The following NAALADL2 variants were observed in gnomAD, a reference collection of about 807,000 sequenced individuals.
NAALADL2 encodes the protein inactive N-acetylated-alpha-linked acidic dipeptidase-like protein 2.
In NAALADL2, 76 loss-of-function variants were observed where a neutral mutation model predicts 87.2. That is an observed-to-expected ratio of 0.87 (90% CI 0.72 to 1.05). NAALADL2 has a LOEUF of 1.05. NAALADL2 is among the 50% of genes least tolerant of loss of function. The pLI, the probability that NAALADL2 is intolerant of heterozygous loss-of-function variation, is 0.00. For synonymous variants in NAALADL2, 354 were observed against 331.0 expected (o/e 1.07, Z -0.75); for missense variants, 1,089 against 945.8 (o/e 1.15, Z -1.99).
chr3:174,818,461 A>G (rs561265803), intron 3 of NAALADL2, among the ~76,000 whole-genome samples: 1 of 152,078 alleles, frequency 6.6e-6, no homozygotes, highest in Admixed American at 6.5e-5. Flanking sequence ...TATTTTATCT[A>G]AAAAAAATCT....
chr3:175,738,775 A>C (rs1744861241), intron 12 of NAALADL2, among the ~76,000 whole-genome samples: 1 of 152,062 alleles, frequency 6.6e-6, no homozygotes, highest in Non-Finnish European at 1.5e-5. Flanking sequence ...TCCTACCTAC[A>C]TTAGGCTTTC....
At chr3:174,694,553 CA>C (rs949273531) in intron 2 of NAALADL2, among the ~76,000 whole-genome samples, 83 of 152,034 alleles carry the variant, frequency 5.5e-4, no homozygotes, top group African/African-American at 2.0e-3. Context: ...ATTTGTACCT[CA>C]GGGGGCATTG....
intron 2 of NAALADL2, among the ~76,000 whole-genome samples, chr3:174,557,035 C>T (rs1019329837): frequency 2.4e-4 from 36 of 152,076 alleles, no homozygotes; most frequent in Admixed American, 1.4e-3. Context: ...CTTGAGCCAC[C>T]GTGCCCAGCT....
rs557964837 is a variant in NAALADL2 at position 175,089,953 on chromosome 3, C to T, written c.44-6837C>T. Among the ~76,000 whole-genome samples the T allele has an allele frequency of 3.1e-3, 477 of 152,204 alleles. 7 individuals carry two copies. Among genetic ancestry groups the T allele is most frequent in the South Asian group, 8.1e-3 (39 of 4,820 alleles). The stretch of plus-strand genomic sequence containing the variant: ...TTTAGCCTGAATATTAAAATTTTTT[C>T]TCCTCCACTCTTTTTTTATTTTGTA... On this transcript the variant is annotated intron_variant, in intron 1 of 13. Coordinates refer to ENST00000454872, the MANE Select transcript of NAALADL2 (RefSeq NM_207015.3).
Position 175,117,913 on chromosome 3 carries a change from C to T in NAALADL2, c.545+20622C>T, listed in dbSNP as rs147191901. On this transcript the variant is annotated intron_variant, in intron 2 of 13. Coordinates refer to ENST00000454872, the MANE Select transcript of NAALADL2 (RefSeq NM_207015.3). ...GGATTAAGAAAATGTGGCATGTACACACCATGGAATACTATGCAGCCATAA... is the reference window on the plus strand; with the variant it reads ...GGATTAAGAAAATGTGGCATGTACATACCATGGAATACTATGCAGCCATAA... Among the ~76,000 whole-genome samples the T allele has an allele frequency of 3.9e-5, 6 of 152,182 alleles. No individual in the cohort carries two copies. In the East Asian group the frequency reaches 1.2e-3, roughly 29 times the overall value.
chr3:174,771,976 A>G (rs1195695610), intron 3 of NAALADL2, among the ~76,000 whole-genome samples: 1 of 151,400 alleles, frequency 6.6e-6, no homozygotes, highest in Admixed American at 6.6e-5. Context: ...TGCTCTAGGT[A>G]TGGGAGATAC....
At chr3:174,934,857 G>A (rs545988963) in intron 1 of NAALADL2, among the ~76,000 whole-genome samples, 8 of 151,652 alleles carry the variant, frequency 5.3e-5, no homozygotes, top group African/African-American at 1.2e-4. Flanking sequence ...TATAGGATAC[G>A]TTCAATCATT....
chr3:175,214,518 C>T (rs1206632817), intron 2 of NAALADL2, among the ~76,000 whole-genome samples: 1 of 152,088 alleles, frequency 6.6e-6, no homozygotes, highest in African/African-American at 2.4e-5. Flanking sequence ...CATGGCTTGT[C>T]TGAGCTTTAG....
chr3:175,451,179 A>G (rs555867968), intron 6 of NAALADL2, among the ~76,000 whole-genome samples: 1 of 152,218 alleles, frequency 6.6e-6, no homozygotes, highest in East Asian at 1.9e-4. Flanking sequence ...GCCTATTTAT[A>G]TTTGGTTTTT....
intron 1 of NAALADL2, among the ~76,000 whole-genome samples, chr3:174,869,637 T>G (rs1727554921): frequency 6.6e-6 from 1 of 151,816 alleles, no homozygotes; most frequent in African/African-American, 2.4e-5. Flanking sequence ...GTGTGTGGAG[T>G]GTTGAATCCA....
intron 1 of NAALADL2, among the ~76,000 whole-genome samples, chr3:174,912,284 T>G (rs1297346722): frequency 6.6e-6 from 1 of 152,012 alleles, no homozygotes; most frequent in South Asian, 2.1e-4. Context: ...GAAGATGGAA[T>G]GTCAACATGG....
At position 174,947,659 on chromosome 3, in the gene NAALADL2, A is replaced by AT. The variant is rs534518958; in HGVS notation, c.43+88217dup. Among the ~76,000 whole-genome samples the AT allele has an allele frequency of 2.5e-4, 38 of 151,732 alleles. 1 individual carries two copies. In the South Asian group the frequency reaches 4.8e-3, roughly 19 times the overall value. On this transcript the variant is annotated intron_variant, in intron 1 of 13. Transcript: ENST00000454872. ...ACTGATAACTTTTAAGAAATCTTTT[A>AT]TTTTTTTTCTTTGGTCTTCTAGTAT...
chr3:174,545,822 A>C (rs961860848), intron 1 of NAALADL2, among the ~76,000 whole-genome samples: 1 of 150,438 alleles, frequency 6.6e-6, no homozygotes, highest in African/African-American at 2.4e-5. Flanking sequence ...TGAGTTCCTT[A>C]GTTTTATTTT....
intron 9 of NAALADL2, among the ~76,000 whole-genome samples, chr3:175,523,101 T>G (rs1007591439): frequency 3.9e-5 from 6 of 152,224 alleles, no homozygotes; most frequent in African/African-American, 1.4e-4. Context: ...AGATTCTTAA[T>G]GGAATCAGCG....
At chr3:174,663,783 C>T (rs1221667438) in intron 2 of NAALADL2, among the ~76,000 whole-genome samples, 4 of 124,702 alleles carry the variant, frequency 3.2e-5, no homozygotes, top group Admixed American at 9.9e-5. Context: ...CACTGGATTT[C>T]TTTTTTTTTT....
intron 9 of NAALADL2, among the ~76,000 whole-genome samples, chr3:175,530,563 G>C (rs547815297): frequency 6.6e-6 from 1 of 152,278 alleles, no homozygotes; most frequent in South Asian, 2.1e-4. Flanking sequence ...GATGGTGCCT[G>C]CATATCGTGC....
chr3:174,471,215 T>A (rs142151413), intron 1 of NAALADL2, among the ~76,000 whole-genome samples: 1,885 of 152,122 alleles, frequency 0.012, 9 homozygotes, highest in Non-Finnish European at 0.019. Context: ...CTTTTTTTTT[T>A]TATATTTCAA....
intron 1 of NAALADL2, among the ~76,000 whole-genome samples, chr3:175,013,166 T>TA (rs1560475369): frequency 2.7e-5 from 3 of 111,670 alleles, no homozygotes; most frequent in South Asian, 2.6e-4. Context: ...TATATAAATA[T>TA]GTAATACATA....
chr3:174,846,758 G>A (rs763691088), intron 3 of NAALADL2, among the ~76,000 whole-genome samples: 28 of 152,128 alleles, frequency 1.8e-4, no homozygotes, highest in Admixed American at 1.2e-3. Flanking sequence ...GAGTCAGCAG[G>A]ATAAAAAATT....
Sources: allele counts gnomAD v4.1 joint callset (sites outside exome capture counted in the v4.1 genomes callset), GRCh38; gene constraint gnomAD v4.1.1; transcripts MANE v1.5; gene names NCBI Gene and HGNC (gene_info 2026-07-23, HGNC 2026-07-21).